Variants in GPLD1 observed in about 807,000 individuals in gnomAD.
GPLD1 encodes the protein glycosylphosphatidylinositol specific phospholipase D1, also known as phosphatidylinositol-glycan-specific phospholipase D.
A neutral mutation model predicts 112.6 loss-of-function variants in GPLD1; 84 were observed. The ratio of observed to expected loss-of-function variants is 0.75; its 90% CI spans 0.63 to 0.89. GPLD1 has a LOEUF of 0.89. Ranked by LOEUF, GPLD1 falls within the 40% of genes least tolerant of loss-of-function variation. The pLI, the probability that GPLD1 is intolerant of heterozygous loss-of-function variation, is 0.00. For synonymous variants in GPLD1, 386 were observed against 403.8 expected (o/e 0.96, Z 0.53); for missense variants, 1,044 against 1,051.5 (o/e 0.99, Z 0.10).
At chr6:24,483,615 T>C (rs1193209988) in intron 2 of GPLD1, among the ~76,000 whole-genome samples, 1 of 149,514 alleles carries the variant, frequency 6.7e-6, no homozygotes, top group African/African-American at 2.5e-5. Context: ...GAGGTGGAGG[T>C]GAGATCACAC....
At chr6:24,467,140 G>T in intron 8 of GPLD1, 27 bp downstream of exon 8, 1 of 1,319,194 alleles carries the variant, frequency 7.6e-7, no homozygotes, top group Non-Finnish European at 1.1e-6. Context: ...AAAATCAGCT[G>T]CAAATTGTCC....
intron 2 of GPLD1, among the ~76,000 whole-genome samples, chr6:24,485,338 G>C (rs1435664817): frequency 6.6e-6 from 1 of 152,136 alleles, no homozygotes; most frequent in Non-Finnish European, 1.5e-5. Flanking sequence ...AGGAGTTCAA[G>C]ACCAGCTTGG....
intron 23 of GPLD1, 30 bp downstream of exon 23, chr6:24,433,333 T>A (rs1471900982): frequency 6.2e-7 from 1 of 1,604,150 alleles, no homozygotes; most frequent in Non-Finnish European, 8.5e-7. Context: ...TGGTAATTTT[T>A]CTTTCTTCAG....
chr6:24,469,479 G>T (rs1763726370), intron 7 of GPLD1, among the ~76,000 whole-genome samples: 1 of 95,570 alleles, frequency 1.0e-5, no homozygotes, highest in Non-Finnish European at 2.1e-5. Flanking sequence ...TCCTTTGTAG[G>T]GACATGGATG....
At chr6:24,487,324 T>A (rs1425249700) in intron 1 of GPLD1, among the ~76,000 whole-genome samples, 20 of 151,580 alleles carry the variant, frequency 1.3e-4, no homozygotes, top group Admixed American at 1.3e-3. Flanking sequence ...AATTTATTAG[T>A]AAATAAATGA....
At chr6:24,493,407 CG>C (rs1240898088), upstream of GPLD1, among the ~76,000 whole-genome samples, 2 of 152,150 alleles carry the variant, frequency 1.3e-5, no homozygotes, top group African/African-American at 4.8e-5. Flanking sequence ...ACCCGGGAGG[CG>C]GAAGTTGCAG....
At chr6:24,457,536 A>G (rs887095318) in intron 12 of GPLD1, among the ~76,000 whole-genome samples, 3 of 151,948 alleles carry the variant, frequency 2.0e-5, no homozygotes, top group Non-Finnish European at 4.4e-5. Flanking sequence ...GTATTTGTAT[A>G]TGTGTATATA....
At chr6:24,489,160 A>G (rs1764481262) in intron 1 of GPLD1, among the ~76,000 whole-genome samples, 1 of 152,088 alleles carries the variant, frequency 6.6e-6, no homozygotes, top group African/African-American at 2.4e-5. Flanking sequence ...TTCCCCACCC[A>G]GAGAAACACA....
rs185022759 is a variant in GPLD1 at position 24,448,613 on chromosome 6, T to C, written c.1447-405A>G. Among the ~76,000 whole-genome samples the C allele has an allele frequency of 7.2e-5, 11 of 152,258 alleles. No individual in the cohort carries two copies. The East Asian group carries it at 2.1e-3, about 29-fold the overall frequency. Reference sequence around the variant, plus strand: ...GTCATTTATATCTTTGCCTCCCTGATGTCTTACTCAAGATCCTCCACACAC... The same window carrying C: ...GTCATTTATATCTTTGCCTCCCTGACGTCTTACTCAAGATCCTCCACACAC... On this transcript the variant is annotated intron_variant, in intron 15 of 24. Coordinates refer to ENST00000230036, the MANE Select transcript of GPLD1 (RefSeq NM_001503.4).
Position 24,475,246 on chromosome 6 carries a change from A to T in GPLD1, c.331-15T>A. The stretch of plus-strand genomic sequence containing the variant: ...TTCTCTGTGTCCTGCCAAACAAGCA[A>T]ATTAGAGTCATGTGTGTTTGGGTGA... On this transcript the variant is annotated splice_polypyrimidine_tract_variant and intron_variant, in intron 4 of 24. Transcript: ENST00000230036. The T allele has an allele frequency of 7.9e-7, 1 of 1,269,404 alleles. No individual in the cohort carries two copies. The allele number at this position is 1,269,404 out of a possible 1,614,324, so 78.6% of individuals were successfully genotyped here. A position where few individuals can be genotyped will look rare whatever the true frequency, so the allele number is the denominator to read the frequency against.
At chr6:24,449,999 C>A (rs1763030405) in intron 14 of GPLD1, 100 bp from the exon 15 acceptor site, 3 of 730,546 alleles carry the variant, frequency 4.1e-6, no homozygotes, top group Non-Finnish European at 2.3e-6. Flanking sequence ...AACCCCCGCC[C>A]CCCGCCACCC....
chr6:24,444,082 AG>A (rs1327858879), intron 20 of GPLD1, among the ~76,000 whole-genome samples: 2 of 152,244 alleles, frequency 1.3e-5, no homozygotes, highest in Non-Finnish European at 2.9e-5. Flanking sequence ...TAGAAAGATT[AG>A]AACCTCTACT....
At chr6:24,453,253 T>C (rs1763151636) in intron 14 of GPLD1, among the ~76,000 whole-genome samples, 1 of 152,212 alleles carries the variant, frequency 6.6e-6, no homozygotes, top group African/African-American at 2.4e-5. Flanking sequence ...TTGACAAGTA[T>C]ACCATAATTA....
chr6:24,467,122 G>A, intron 8 of GPLD1, 45 bp downstream of exon 8: 3 of 1,226,000 alleles, frequency 2.4e-6, no homozygotes, highest in Non-Finnish European at 3.6e-6. Context: ...TGCAAAGGAA[G>A]TCACAACAAA....
intron 7 of GPLD1, among the ~76,000 whole-genome samples, chr6:24,468,557 T>TTA (rs1292449194): frequency 2.1e-5 from 3 of 142,946 alleles, no homozygotes; most frequent in Admixed American, 6.9e-5. Context: ...ATTTTTTTAT[T>TTA]TTTATTTTTT....
intron 1 of GPLD1, among the ~76,000 whole-genome samples, chr6:24,488,200 G>A (rs893425272): frequency 1.3e-5 from 2 of 152,064 alleles, no homozygotes; most frequent in Non-Finnish European, 2.9e-5. Context: ...AAGGTCAGGA[G>A]ATCGAGATCA....
rs894061734 is a variant in GPLD1, at chr6:24,479,790, G to A, written c.232+91C>T. On this transcript the variant is annotated intron_variant, in intron 3 of 24. Coordinates refer to ENST00000230036, the MANE Select transcript of GPLD1 (RefSeq NM_001503.4). ...TATACTGTGCAATTAAAAATATATT[G>A]TACACACATATATATATATTTTTAA... 1.5e-5 allele frequency: 10 copies of A among 678,436 alleles called. 1 individual carries two copies. The highest frequency in any genetic ancestry group is 2.3e-5 in the African/African-American group (1 of 42,596). The allele number at this position is 678,436 out of a possible 1,614,324, so 42.0% of individuals were successfully genotyped here. A position where few individuals can be genotyped will look rare whatever the true frequency, so the allele number is the denominator to read the frequency against.
intron 13 of GPLD1, 125 bp from the exon 14 acceptor site, chr6:24,454,326 G>A: frequency 3.6e-6 from 2 of 558,704 alleles, no homozygotes; most frequent in Non-Finnish European, 6.1e-6. Flanking sequence ...CACCCTGCGT[G>A]ACTGTTGTGA....
intron 2 of GPLD1, among the ~76,000 whole-genome samples, chr6:24,481,417 A>G (rs1764199042): frequency 6.6e-6 from 1 of 152,002 alleles, no homozygotes; most frequent in African/African-American, 2.4e-5. Context: ...AAGTACTTCA[A>G]GAAATTAAAA....
Sources: allele counts gnomAD v4.1 joint callset (sites outside exome capture counted in the v4.1 genomes callset), GRCh38; gene constraint gnomAD v4.1.1; transcripts MANE v1.5; gene names NCBI Gene and HGNC (gene_info 2026-07-23, HGNC 2026-07-21).